AGBL1: variants seen among roughly 807,000 people sequenced by gnomAD.
The protein encoded by AGBL1 is AGBL carboxypeptidase 1, also known as cytosolic carboxypeptidase 4.
Under a neutral mutation model 118.9 loss-of-function variants are expected in AGBL1, and 130 were observed. The ratio of observed to expected loss-of-function variants is 1.09; its 90% CI spans 0.95 to 1.26. The LOEUF (loss-of-function observed/expected upper bound fraction) is 1.26, where lower values mean the gene tolerates loss of function less well. Ranked by LOEUF, AGBL1 falls within the 50% of genes most tolerant of loss-of-function variation. The pLI is 0.00. For missense variants in AGBL1, 1,584 were observed against 1,298.1 expected, an observed-to-expected ratio of 1.22 and a Z score of -3.38; for synonymous variants, 555 against 478.9, an observed-to-expected ratio of 1.16 and a Z score of -2.08.
chr15:86,876,066 A>G (rs965766056), intron 22 of AGBL1, among the ~76,000 whole-genome samples: 3 of 152,206 alleles, frequency 2.0e-5, no homozygotes, highest in Admixed American at 1.3e-4. Context: ...CACTAAGAAT[A>G]AGAGAATGTA....
chr15:86,131,850 T>G (rs1039174760), intron 1 of AGBL1, among the ~76,000 whole-genome samples: 4 of 151,142 alleles, frequency 2.6e-5, no homozygotes, highest in African/African-American at 9.7e-5. Flanking sequence ...CTCGGGAGGC[T>G]GAGGTAGGAG....
intron 6 of AGBL1, among the ~76,000 whole-genome samples, chr15:86,226,302 G>C (rs762363967): frequency 1.3e-5 from 2 of 152,144 alleles, no homozygotes; most frequent in Non-Finnish European, 2.9e-5. Context: ...CCAAGGTGAG[G>C]GGGTGTTGAA....
chr15:86,614,142 G>T (rs1473034704), intron 21 of AGBL1, among the ~76,000 whole-genome samples: 1 of 152,174 alleles, frequency 6.6e-6, no homozygotes, highest in Non-Finnish European at 1.5e-5. Flanking sequence ...ATTACACTCT[G>T]CCAGGCACTG....
intron 22 of AGBL1, among the ~76,000 whole-genome samples, chr15:86,700,914 A>G (rs2086347005): frequency 6.6e-6 from 1 of 152,068 alleles, no homozygotes; most frequent in South Asian, 2.1e-4. Context: ...CAACCCCAAG[A>G]GACAGTCAGA....
chr15:86,998,056 C>G (rs1458053229), intron 24 of AGBL1, among the ~76,000 whole-genome samples: 1 of 152,060 alleles, frequency 6.6e-6, no homozygotes, highest in African/African-American at 2.4e-5. Context: ...TCTGTGATGT[C>G]TTAGGAACAC....
intron 18 of AGBL1, among the ~76,000 whole-genome samples, chr15:86,505,689 A>G (rs374016214): frequency 2.3e-4 from 35 of 151,924 alleles, no homozygotes; most frequent in African/African-American, 8.4e-4. Flanking sequence ...AGTTCTTCAG[A>G]CCTGTTTTTC....
At chr15:86,144,708 T>C (rs1435116061) in intron 3 of AGBL1, among the ~76,000 whole-genome samples, 1 of 152,114 alleles carries the variant, frequency 6.6e-6, no homozygotes, top group African/African-American at 2.4e-5. Context: ...AAATAACTAA[T>C]TGGTACTAGG....
intron 22 of AGBL1, among the ~76,000 whole-genome samples, chr15:86,760,162 G>T (rs573732774): frequency 2.6e-5 from 4 of 152,060 alleles, no homozygotes; most frequent in Non-Finnish European, 5.9e-5. Context: ...ATGAGGCCCT[G>T]GTTGTTCTTT....
chr15:86,746,318 T>C (rs1236554144), intron 22 of AGBL1, among the ~76,000 whole-genome samples: 1 of 152,166 alleles, frequency 6.6e-6, no homozygotes, highest in East Asian at 1.9e-4. Context: ...ACATGACATA[T>C]GTCTCTTGCC....
chr15:86,494,500 T>C (rs2082822646), intron 18 of AGBL1, among the ~76,000 whole-genome samples: 1 of 152,074 alleles, frequency 6.6e-6, no homozygotes, highest in East Asian at 1.9e-4. Flanking sequence ...TGCAGGATGA[T>C]GGTGTGCTTA....
At chr15:86,814,151 A>G (rs527526015) in intron 22 of AGBL1, among the ~76,000 whole-genome samples, 31 of 152,320 alleles carry the variant, frequency 2.0e-4, no homozygotes, top group African/African-American at 6.7e-4. Context: ...GTGAGCGAGC[A>G]TTACCGCCTG....
chr15:86,764,321 T>C (rs552199565), intron 22 of AGBL1, among the ~76,000 whole-genome samples: 3 of 152,126 alleles, frequency 2.0e-5, no homozygotes, highest in African/African-American at 7.2e-5. Context: ...CAGTGATATG[T>C]AGTGAAAGTT....
chr15:86,270,902 T>C (rs1432848266), intron 14 of AGBL1, among the ~76,000 whole-genome samples: 1 of 152,124 alleles, frequency 6.6e-6, no homozygotes, highest in Non-Finnish European at 1.5e-5. Context: ...CCTCTGAGGA[T>C]TCCAGGGGAA....
chr15:86,268,992 T>G (rs985199566), intron 13 of AGBL1, among the ~76,000 whole-genome samples: 1 of 152,224 alleles, frequency 6.6e-6, no homozygotes. Context: ...CTGATAATGT[T>G]TAAGTCAAAA....
chr15:86,903,773 A>C (rs2080243421), intron 22 of AGBL1, among the ~76,000 whole-genome samples: 1 of 152,090 alleles, frequency 6.6e-6, no homozygotes, highest in Non-Finnish European at 1.5e-5. Flanking sequence ...CCATGGTGGG[A>C]ATTCCAGCTC....
chr15:86,591,260 A>G (rs2084330226), intron 21 of AGBL1, among the ~76,000 whole-genome samples: 1 of 152,202 alleles, frequency 6.6e-6, no homozygotes, highest in Non-Finnish European at 1.5e-5. Context: ...TCAATGCAAT[A>G]CTTCTGTGAT....
At chr15:86,960,976 C>T (rs971604891) in intron 23 of AGBL1, among the ~76,000 whole-genome samples, 4 of 152,020 alleles carry the variant, frequency 2.6e-5, no homozygotes, top group African/African-American at 7.2e-5. Context: ...TCCAAACTTT[C>T]AGTTATAAGA....
At chr15:86,520,253 G>A (rs1301388955) in intron 18 of AGBL1, among the ~76,000 whole-genome samples, 15 of 152,200 alleles carry the variant, frequency 9.9e-5, no homozygotes, top group Non-Finnish European at 2.1e-4. Context: ...CATGCACACA[G>A]ACATAGGTAG....
At chr15:86,081,781 T>C (rs1242567923) in intron 1 of AGBL1, among the ~76,000 whole-genome samples, 1 of 152,176 alleles carries the variant, frequency 6.6e-6, no homozygotes, top group African/African-American at 2.4e-5. Context: ...GCACTAGCTG[T>C]CTAGGAAAGA....
Sources: gnomAD v4.1 joint callset for allele counts (sites outside exome capture counted in the v4.1 genomes callset) on GRCh38, gnomAD v4.1.1 for gene constraint, MANE v1.5 for transcripts, NCBI Gene and HGNC (gene_info 2026-07-23, HGNC 2026-07-21) for gene names.